Variants in RYR2 observed in about 807,000 individuals in gnomAD.
The protein encoded by RYR2 is ryanodine receptor 2.
A neutral mutation model predicts 601.1 loss-of-function variants in RYR2; 227 were observed. The ratio of observed to expected loss-of-function variants is 0.38; its 90% CI spans 0.34 to 0.42. The LOEUF is 0.42. Among genes scored for constraint, RYR2 ranks in the 10% least tolerant of loss-of-function variants. RYR2 has a pLI of 1.00. For missense variants in RYR2, 4,646 were observed against 6,156.5 expected, an observed-to-expected ratio of 0.75 and a Z score of 8.21; for synonymous variants, 2,223 against 2,175.1, an observed-to-expected ratio of 1.02 and a Z score of -0.61.
intron 11 of RYR2, among the ~76,000 whole-genome samples, chr1:237,421,232 C>CCGTCT (rs1244158780): frequency 3.3e-5 from 5 of 152,060 alleles, no homozygotes; most frequent in Admixed American, 1.3e-4. Context: ...GAGCGAGACT[C>CCGTCT]CGTCTCAAAA....
At chr1:237,400,280 G>C (rs1703229972) in intron 10 of RYR2, among the ~76,000 whole-genome samples, 1 of 152,138 alleles carries the variant, frequency 6.6e-6, no homozygotes, top group Admixed American at 6.5e-5. Context: ...AAAGATTTCT[G>C]GGGTCCCCTT....
At chr1:237,263,692 T>C (rs1688754370) in intron 1 of RYR2, among the ~76,000 whole-genome samples, 1 of 152,194 alleles carries the variant, frequency 6.6e-6, no homozygotes, top group African/African-American at 2.4e-5. Flanking sequence ...GAAGCCCCTC[T>C]AAATACCACC....
At chr1:237,356,435 T>A (rs1257767395) in intron 4 of RYR2, among the ~76,000 whole-genome samples, 1 of 151,668 alleles carries the variant, frequency 6.6e-6, no homozygotes, top group Non-Finnish European at 1.5e-5. Flanking sequence ...AGAACCTTTT[T>A]TTTTTTTTGG....
chr1:237,304,853 A>G (rs571196301), intron 2 of RYR2, among the ~76,000 whole-genome samples: 1 of 152,340 alleles, frequency 6.6e-6, no homozygotes, highest in Admixed American at 6.5e-5. Flanking sequence ...TCTAGAATAC[A>G]TAGAGTATTA....
At chr1:237,569,396 C>A (rs567235343) in intron 29 of RYR2, 77 bp downstream of exon 29, 9 of 1,448,182 alleles carry the variant, frequency 6.2e-6, no homozygotes, top group Non-Finnish European at 7.6e-6. Context: ...CCTAACCGGG[C>A]GTTTCTGTTT....
rs570741819 is a variant in RYR2 at position 237,288,432 on chromosome 1, T to C, written c.168+17816T>C. Among the ~76,000 whole-genome samples the C allele has an allele frequency of 5.3e-5, 8 of 151,076 alleles. No individual in the cohort carries two copies. In the South Asian group the frequency reaches 1.7e-3, roughly 32 times the overall value. On this transcript the variant is annotated intron_variant, in intron 2 of 104. Transcript: ENST00000366574. ...GGGTGGATAGGGGAGGACCATCAGG[T>C]AGGGGAGGGCTAGGCACGTTTGAGC... is the stretch of plus-strand genomic sequence containing the variant.
chr1:237,581,677 G>C (rs1050971991), intron 29 of RYR2, among the ~76,000 whole-genome samples: 6 of 152,188 alleles, frequency 3.9e-5, no homozygotes, highest in Non-Finnish European at 8.8e-5. Flanking sequence ...AACATGGTGT[G>C]AATTAAGGTT....
rs574115023 is a variant in RYR2 at position 237,660,755 on chromosome 1, A to G, written c.8299-55A>G. The G allele has an allele frequency of 4.2e-5, 61 of 1,455,508 alleles. No homozygotes were observed. In the South Asian group the frequency reaches 7.8e-4, roughly 19 times the overall value. The allele number at this position is 1,455,508 out of a possible 1,614,324, so 90.2% of individuals were successfully genotyped here. A position where few individuals can be genotyped will look rare whatever the true frequency, so the allele number is the denominator to read the frequency against. On this transcript the variant is annotated intron_variant, in intron 55 of 104. Coordinates refer to ENST00000366574, the MANE Select transcript of RYR2 (RefSeq NM_001035.3). The stretch of plus-strand genomic sequence containing the variant: ...CTATTTTAGAGCAAAGCGTTACTTA[A>G]CATTTTTATTTACATTCATAATATA...
At chr1:237,521,878 C>A (rs1198101698) in intron 24 of RYR2, among the ~76,000 whole-genome samples, 1 of 152,114 alleles carries the variant, frequency 6.6e-6, no homozygotes, top group Admixed American at 6.5e-5. Flanking sequence ...TGCCCTTGTA[C>A]TCTTGCTTGC....
chr1:237,193,035 G>A (rs1290757022), intron 1 of RYR2, among the ~76,000 whole-genome samples: 1 of 151,830 alleles, frequency 6.6e-6, no homozygotes, highest in Non-Finnish European at 1.5e-5. Context: ...AAAATATCTT[G>A]AATGCGGCCA....
In RYR2 at chr1:237,754,244, G is replaced by T. The variant is rs577845696; in HGVS notation, c.11146-2044G>T. ...CGATGTTAAAAAAAATGAGTGACCT[G>T]TCCAGGGAGTTTATTTTTAAGCAAG... is the stretch of plus-strand genomic sequence containing the variant. On this transcript the variant is annotated intron_variant, in intron 80 of 104. Transcript: ENST00000366574. Among the ~76,000 whole-genome samples the T allele has an allele frequency of 5.2e-4, 78 of 151,296 alleles. 1 individual carries two copies. The Middle Eastern group carries it at 0.01, about 20-fold the overall frequency.
chr1:237,197,708 C>T (rs1680720034), intron 1 of RYR2, among the ~76,000 whole-genome samples: 2 of 152,138 alleles, frequency 1.3e-5, no homozygotes, highest in South Asian at 4.1e-4. Context: ...GTCTGAACTG[C>T]AGTGGAGGGA....
rs12075591 is a variant in RYR2 at position 237,566,886 on chromosome 1, G to A, written c.3423+111G>A. The A allele has an allele frequency of 1.0e-3, 1,114 of 1,087,494 alleles. 12 individuals are homozygous for A. In the African/African-American group the frequency reaches 0.016, roughly 15 times the overall value. 67.4% of individuals were successfully genotyped at this position (1,087,494 alleles called of 1,614,324 possible). ...CAGTGTTTCCCACAGCACAAACGTGGAAAAATATTTCACAGGAAAGCTTTT... is the reference window on the plus strand; with the variant it reads ...CAGTGTTTCCCACAGCACAAACGTGAAAAAATATTTCACAGGAAAGCTTTT... On this transcript the variant is annotated intron_variant, in intron 28 of 104. Transcript: ENST00000366574.
intron 1 of RYR2, among the ~76,000 whole-genome samples, chr1:237,207,292 A>T (rs1681923000): frequency 6.6e-6 from 1 of 152,220 alleles, no homozygotes; most frequent in African/African-American, 2.4e-5. Flanking sequence ...ATGGCCAGGC[A>T]CGGCGGCTCA....
chr1:237,216,886 T>TA (rs1205966754), intron 1 of RYR2, among the ~76,000 whole-genome samples: 1 of 152,150 alleles, frequency 6.6e-6, no homozygotes, highest in East Asian at 1.9e-4. Context: ...GCTGAATGAA[T>TA]AGTGGCCCAG....
At chr1:237,274,387 T>C (rs1455432524) in intron 2 of RYR2, among the ~76,000 whole-genome samples, 1 of 149,276 alleles carries the variant, frequency 6.7e-6, no homozygotes. Flanking sequence ...TGAGTCTTAG[T>C]TTTTAACAAA....
At chr1:237,293,489 G>A (rs186538349) in intron 2 of RYR2, among the ~76,000 whole-genome samples, 2 of 152,250 alleles carry the variant, frequency 1.3e-5, no homozygotes, top group East Asian at 3.9e-4. Context: ...TTACAGGTGT[G>A]AGCCACCGCA....
Position 237,454,456 on chromosome 1 carries a change from G to C in RYR2, c.1358G>C (p.Ser453Thr), listed in dbSNP as rs761911597. 38 of 1,613,490 alleles carry C rather than the reference G, an allele frequency of 2.4e-5. No individual in the cohort carries two copies. The highest frequency in any genetic ancestry group is 3.1e-5 in the Non-Finnish European group (36 of 1,179,692). The part of the protein sequence containing the change: ...STVDLPIESV[S>T]LSLQDLIGYF... Reference sequence around the variant, plus strand: ...GTCGATTTGCCTATAGAGTCCGTAAGCCTAAGTCTGCAGGATCTCATTGGC... The same window carrying C: ...GTCGATTTGCCTATAGAGTCCGTAACCCTAAGTCTGCAGGATCTCATTGGC... Residue 453 changes from serine (S) to threonine (T), a missense_variant, in exon 15 of 105, where the codon AGC (serine) becomes ACC (threonine). Transcript: ENST00000366574.
chr1:237,436,512 G>C (rs889901537), intron 12 of RYR2, among the ~76,000 whole-genome samples: 2 of 119,002 alleles, frequency 1.7e-5, no homozygotes, highest in South Asian at 2.6e-4. Flanking sequence ...ACTAAGCCTG[G>C]CCTGGCCTGT....
Sources: gnomAD v4.1 joint callset for allele counts (sites outside exome capture counted in the v4.1 genomes callset) on GRCh38, gnomAD v4.1.1 for gene constraint, MANE v1.5 for transcripts, NCBI Gene and HGNC (gene_info 2026-07-23, HGNC 2026-07-21) for gene names.